Variants in TENM4 observed in about 807,000 individuals in gnomAD.
TENM4 encodes the protein teneurin transmembrane protein 4, also known as teneurin-4.
In TENM4, 82 loss-of-function variants were observed where a neutral mutation model predicts 243.3. That is an observed-to-expected ratio of 0.34 (90% confidence interval 0.28 to 0.40). The LOEUF (loss-of-function observed/expected upper bound fraction) is 0.40, where lower values mean the gene tolerates loss of function less well. TENM4 is among the 10% of genes least tolerant of loss of function. The pLI is 1.00. For missense variants in TENM4, 3,138 were observed against 3,673.3 expected (o/e 0.85, Z 3.77); for synonymous variants, 1,412 against 1,456.3 (o/e 0.97, Z 0.69).
At chr11:79,021,834 A>T (rs1565170939) in intron 6 of TENM4, 1 of 152,232 alleles carries the variant, frequency 6.6e-6, no homozygotes, top group Non-Finnish European at 1.5e-5. Flanking sequence ...GAGATTCCTT[A>T]CAGTACTAAC....
chr11:78,990,202 A>C (rs1311979450), intron 6 of TENM4, among the ~76,000 whole-genome samples: 1 of 152,182 alleles, frequency 6.6e-6, no homozygotes, highest in Non-Finnish European at 1.5e-5. Flanking sequence ...ATAATTTTAT[A>C]GCTGAAGAAG....
intron 6 of TENM4, among the ~76,000 whole-genome samples, chr11:78,935,027 CGG>C (rs1329871514): frequency 4.5e-5 from 3 of 66,364 alleles, no homozygotes; most frequent in Admixed American, 2.4e-4. Context: ...TTTTTTGAGA[CGG>C]AGTCTCGCTC....
intron 18 of TENM4, among the ~76,000 whole-genome samples, chr11:78,767,595 G>C (rs1856564759): frequency 6.6e-6 from 1 of 152,188 alleles, no homozygotes; most frequent in East Asian, 1.9e-4. Flanking sequence ...CAGTTGTCCT[G>C]TCTGTAAACA....
At chr11:79,082,982 T>G (rs1860712164) in intron 4 of TENM4, among the ~76,000 whole-genome samples, 1 of 152,238 alleles carries the variant, frequency 6.6e-6, no homozygotes, top group Non-Finnish European at 1.5e-5. Context: ...CACACAGAAC[T>G]GGAGACAGAT....
At chr11:78,970,029 G>T (rs1014494889) in intron 6 of TENM4, among the ~76,000 whole-genome samples, 1 of 152,206 alleles carries the variant, frequency 6.6e-6, no homozygotes, top group Non-Finnish European at 1.5e-5. Context: ...TAGCCATAGG[G>T]CATTCAGTTG....
intron 1 of TENM4, among the ~76,000 whole-genome samples, chr11:79,391,105 T>TG (rs1458792779): frequency 1.3e-5 from 2 of 152,148 alleles, no homozygotes; most frequent in Admixed American, 6.5e-5. Context: ...TATGTGAACT[T>TG]GGGGGAGTCA....
chr11:78,670,999 A>G (rs1858310572), intron 31 of TENM4, among the ~76,000 whole-genome samples: 1 of 152,222 alleles, frequency 6.6e-6, no homozygotes, highest in Non-Finnish European at 1.5e-5. Flanking sequence ...TCTCAAACCA[A>G]TCTTCCTATT....
At chr11:79,243,765 G>A (rs539194672) in intron 2 of TENM4, among the ~76,000 whole-genome samples, 14 of 152,292 alleles carry the variant, frequency 9.2e-5, no homozygotes, top group African/African-American at 2.6e-4. Flanking sequence ...AATGCAGGGC[G>A]CTAACCAAGA....
At chr11:79,416,411 G>A (rs578141212) in intron 1 of TENM4, among the ~76,000 whole-genome samples, 3 of 152,224 alleles carry the variant, frequency 2.0e-5, no homozygotes, top group Admixed American at 6.5e-5. Context: ...TTAGACATTC[G>A]AGTGGGTTTG....
intron 22 of TENM4, among the ~76,000 whole-genome samples, chr11:78,726,673 A>G (rs1012571922): frequency 3.9e-5 from 6 of 152,090 alleles, no homozygotes; most frequent in Non-Finnish European, 8.8e-5. Flanking sequence ...ATGGTGAGCG[A>G]GTTCTCCTGA....
chr11:78,847,428 G>A (rs1858423451), intron 12 of TENM4, among the ~76,000 whole-genome samples: 1 of 152,222 alleles, frequency 6.6e-6, no homozygotes, highest in African/African-American at 2.4e-5. Context: ...AGCAGAGACA[G>A]CTACTGGCAG....
At chr11:79,191,975 C>A (rs1204561411) in intron 3 of TENM4, among the ~76,000 whole-genome samples, 1 of 151,908 alleles carries the variant, frequency 6.6e-6, no homozygotes, top group African/African-American at 2.4e-5. Flanking sequence ...CAGCCAGCCG[C>A]CCCGTCGGGG....
chr11:78,938,670 C>T (rs1042211098), intron 6 of TENM4, among the ~76,000 whole-genome samples: 1 of 152,142 alleles, frequency 6.6e-6, no homozygotes. Context: ...CTACATTATT[C>T]TGCTCGTCTC....
intron 12 of TENM4, among the ~76,000 whole-genome samples, chr11:78,838,566 T>C (rs563368575): frequency 1.3e-5 from 2 of 152,318 alleles, no homozygotes; most frequent in Admixed American, 6.5e-5. Flanking sequence ...AAATTTATTT[T>C]GGCATATGGT....
intron 6 of TENM4, among the ~76,000 whole-genome samples, chr11:78,913,809 C>T (rs955271234): frequency 1.3e-5 from 2 of 152,134 alleles, no homozygotes; most frequent in Admixed American, 6.5e-5. Flanking sequence ...GCGGGGTCAA[C>T]TCAGTACAGT....
chr11:79,312,947 C>G (rs1856746033), intron 1 of TENM4, among the ~76,000 whole-genome samples: 1 of 152,198 alleles, frequency 6.6e-6, no homozygotes, highest in Admixed American at 6.5e-5. Context: ...AGGCTGTGTG[C>G]TTTGTTTCCA....
intron 25 of TENM4, among the ~76,000 whole-genome samples, chr11:78,714,188 A>C (rs1859468439): frequency 6.6e-6 from 1 of 152,210 alleles, no homozygotes; most frequent in Non-Finnish European, 1.5e-5. Context: ...TGCATTTATC[A>C]GGTATGTAAG....
chr11:79,324,814 G>T (rs1393866974), intron 1 of TENM4, among the ~76,000 whole-genome samples: 1 of 152,090 alleles, frequency 6.6e-6, no homozygotes, highest in Non-Finnish European at 1.5e-5. Context: ...CTCCATCAAG[G>T]GTTCATAGCA....
intron 4 of TENM4, among the ~76,000 whole-genome samples, chr11:79,077,949 C>T (rs556524841): frequency 9.2e-5 from 14 of 151,926 alleles, no homozygotes; most frequent in Non-Finnish European, 1.6e-4. Context: ...GTGTGGGGCC[C>T]GGGAGAAGGG....
Sources: allele counts gnomAD v4.1 joint callset (sites outside exome capture counted in the v4.1 genomes callset), GRCh38; gene constraint gnomAD v4.1.1; transcripts MANE v1.5; gene names NCBI Gene and HGNC (gene_info 2026-07-23, HGNC 2026-07-21).